The following RNF168 variants were observed in gnomAD, a reference collection of about 807,000 sequenced individuals.
RNF168 encodes E3 ubiquitin-protein ligase RNF168.
In RNF168, 34 loss-of-function variants were observed where a neutral mutation model predicts 34.9. The ratio of observed to expected loss-of-function variants is 0.97; its 90% CI spans 0.74 to 1.30. The LOEUF is 1.30. RNF168 is among the 50% of genes most tolerant of loss of function. The pLI is 0.00. For missense variants in RNF168, 725 were observed against 682.5 expected, an observed-to-expected ratio of 1.06 and a Z score of -0.69; for synonymous variants, 264 against 254.7, an observed-to-expected ratio of 1.04 and a Z score of -0.35.
chr3:196,483,720 C>A (rs768798784), intron 4 of RNF168, 50 bp downstream of exon 4: 1 of 1,521,386 alleles, frequency 6.6e-7, no homozygotes, highest in South Asian at 1.1e-5. Context: ...ACAGAAAACA[C>A]TGGCATACAG....
At chr3:196,490,689 A>G (rs1050663094) in intron 1 of RNF168, among the ~76,000 whole-genome samples, 3 of 152,210 alleles carry the variant, frequency 2.0e-5, no homozygotes, top group Admixed American at 1.3e-4. Context: ...GGGTCACAAA[A>G]AACATGCACA....
chr3:196,486,781 G>A (rs1288464687), intron 3 of RNF168, among the ~76,000 whole-genome samples: 2 of 152,234 alleles, frequency 1.3e-5, no homozygotes, highest in African/African-American at 4.8e-5. Flanking sequence ...ATATAAAAAA[G>A]TTGTTAAACA....
At chr3:196,474,357 G>T (rs1273780962) in intron 5 of RNF168, among the ~76,000 whole-genome samples, 1 of 148,950 alleles carries the variant, frequency 6.7e-6, no homozygotes, top group Non-Finnish European at 1.5e-5. Context: ...GGCTGGTCTC[G>T]AACTCCCAAC....
rs1731938524 is a variant in RNF168, at chr3:196,469,012, GACT to G, written c.*2804_*2806del. 1 of 152,072 alleles carries G rather than the reference GACT, an allele frequency of 6.6e-6. No homozygotes were observed. Among genetic ancestry groups the G allele is most frequent in the Non-Finnish European group, 1.5e-5 (1 of 68,014 alleles). The allele number at this position is 152,072 out of a possible 1,614,324, so 9.4% of individuals were successfully genotyped here. A position where few individuals can be genotyped will look rare whatever the true frequency, so the allele number is the denominator to read the frequency against. ...TCTTGAAACCAATTTTAGTCAGGAA[GACT>G]TCTTCACAGAGAATGAGCTGAATAT... On this transcript the variant is annotated 3_prime_UTR_variant, in exon 6 of 6. Coordinates refer to ENST00000318037, the MANE Select transcript of RNF168 (RefSeq NM_152617.4).
Position 196,478,590 on chromosome 3 carries a change from C to T in RNF168, c.681-3278G>A, listed in dbSNP as rs139829613. Among the ~76,000 whole-genome samples, 386 of 152,168 alleles carry T rather than the reference C, an allele frequency of 2.5e-3. 2 individuals carry two copies. Among genetic ancestry groups the T allele is most frequent in the African/African-American group, 8.6e-3 (359 of 41,514 alleles). On this transcript the variant is annotated intron_variant, in intron 4 of 5. Coordinates refer to ENST00000318037, the MANE Select transcript of RNF168 (RefSeq NM_152617.4). Reference sequence around the variant, plus strand: ...ACTCTGTTAATTTGTCTAAGGTTCTCCTTTTAACATATGTAACCAATTTTT... The same window carrying T: ...ACTCTGTTAATTTGTCTAAGGTTCTTCTTTTAACATATGTAACCAATTTTT...
intron 1 of RNF168, among the ~76,000 whole-genome samples, chr3:196,492,725 C>A (rs1732625765): frequency 6.6e-6 from 1 of 151,998 alleles, no homozygotes; most frequent in Non-Finnish European, 1.5e-5. Flanking sequence ...TTGCAGTGAG[C>A]CAAGATCGCA....
At chr3:196,502,815 A>G in intron 1 of RNF168, 58 bp downstream of exon 1, 1 of 1,429,524 alleles carries the variant, frequency 7.0e-7, no homozygotes, top group South Asian at 1.2e-5. Flanking sequence ...AAAAGTGATG[A>G]TTCACCTTTT....
At chr3:196,492,217 G>A (rs1182659463) in intron 1 of RNF168, among the ~76,000 whole-genome samples, 1 of 152,174 alleles carries the variant, frequency 6.6e-6, no homozygotes. Flanking sequence ...GTAGCTAAGA[G>A]GCTGGGCACA....
chr3:196,494,783 G>T (rs145033824), intron 1 of RNF168, among the ~76,000 whole-genome samples: 2 of 152,200 alleles, frequency 1.3e-5, no homozygotes, highest in Non-Finnish European at 2.9e-5. Flanking sequence ...AGCACTTTGC[G>T]AGGATGAGGC....
Position 196,472,490 on chromosome 3 carries a change from C to T in RNF168, c.1045G>A (p.Gly349Ser). The T allele has an allele frequency of 6.2e-7, 1 of 1,614,216 alleles. No homozygotes were observed. ...GGGGCGCACCCACTTTCTGTTCTGCCACAAGGCATAACTGCAGTTTCTTTC... is the reference window on the plus strand; with the variant it reads ...GGGGCGCACCCACTTTCTGTTCTGCTACAAGGCATAACTGCAGTTTCTTTC... The part of the protein sequence containing the change: ...YSKETAVMPC[G>S]RTESGCAPTS... Residue 349 changes from glycine to serine, a missense_variant, in exon 6 of 6, where the codon GGC becomes AGC. Transcript: ENST00000318037.
At chr3:196,483,039 C>T (rs998965360) in intron 4 of RNF168, among the ~76,000 whole-genome samples, 9 of 151,292 alleles carry the variant, frequency 5.9e-5, no homozygotes, top group Non-Finnish European at 8.8e-5. Context: ...TGCATTTTAG[C>T]GGTTTTCTCA....
intron 1 of RNF168, among the ~76,000 whole-genome samples, chr3:196,500,550 G>A (rs1477991296): frequency 6.6e-6 from 1 of 152,140 alleles, no homozygotes; most frequent in Non-Finnish European, 1.5e-5. Context: ...AGTTTGGGAG[G>A]ATTAAAAAGT....
At chr3:196,482,343 CATTT>C (rs1457871906) in intron 4 of RNF168, among the ~76,000 whole-genome samples, 12 of 152,162 alleles carry the variant, frequency 7.9e-5, no homozygotes, top group African/African-American at 2.2e-4. Context: ...TTTACCCATT[CATTT>C]GTTAATGGAC....
intron 4 of RNF168, among the ~76,000 whole-genome samples, chr3:196,477,573 T>C (rs987657291): frequency 1.3e-5 from 2 of 152,208 alleles, no homozygotes; most frequent in African/African-American, 4.8e-5. Context: ...TTTAGTTTCT[T>C]TAGGCTGAAG....
chr3:196,471,670 T>A lies in RNF168; in HGVS notation c.*149A>T. The A allele has an allele frequency of 1.4e-6, 1 of 693,920 alleles. No individual in the cohort carries two copies. The highest frequency in any genetic ancestry group is 2.6e-6 in the Non-Finnish European group (1 of 383,730). 43.0% of individuals were successfully genotyped at this position (693,920 alleles called of 1,614,324 possible). A position where few individuals can be genotyped will look rare whatever the true frequency, so the allele number is the denominator to read the frequency against. On this transcript the variant is annotated 3_prime_UTR_variant, in exon 6 of 6. Transcript: ENST00000318037. ...AGCTGTGCAGAAGCTCATGTGTCTA[T>A]GCAGTCCTTACAATCACACAGACCT...
intron 3 of RNF168, 84 bp from the exon 4 acceptor site, chr3:196,483,975 T>C (rs1422121855): frequency 2.9e-6 from 3 of 1,027,234 alleles, no homozygotes; most frequent in Admixed American, 1.8e-5. Flanking sequence ...AATTCAGAAA[T>C]CCATAGCATT....
rs564311877 is a variant in RNF168, at chr3:196,488,477, A to C, written c.378+130T>G. Reference sequence around the variant, plus strand: ...AGCCTGGGTGACAGAGTGAGACTCCATCTCAAAAAAAAAAAATTATCCATA... The same window carrying C: ...AGCCTGGGTGACAGAGTGAGACTCCCTCTCAAAAAAAAAAAATTATCCATA... On this transcript the variant is annotated intron_variant, in intron 2 of 5. Transcript: ENST00000318037. 224 of 524,074 alleles carry C rather than the reference A, an allele frequency of 4.3e-4. 5 individuals carry two copies. The highest frequency in any genetic ancestry group is 4.2e-3 in the South Asian group (218 of 52,114). 32.5% of individuals were successfully genotyped at this position (524,074 alleles called of 1,614,324 possible).
In RNF168 at chr3:196,470,457, ATCCTCATCT is replaced by A. The variant is rs1731971407; in HGVS notation, c.*1353_*1361del. 1 of 150,670 alleles carries A rather than the reference ATCCTCATCT, an allele frequency of 6.6e-6. No individual in the cohort carries two copies. The highest frequency in any genetic ancestry group is 2.5e-5 in the African/African-American group (1 of 40,078). The allele number at this position is 150,670 out of a possible 1,614,324, so 9.3% of individuals were successfully genotyped here. A position where few individuals can be genotyped will look rare whatever the true frequency, so the allele number is the denominator to read the frequency against. On this transcript the variant is annotated 3_prime_UTR_variant, in exon 6 of 6. Coordinates refer to ENST00000318037, the MANE Select transcript of RNF168 (RefSeq NM_152617.4). ...ACTGTCAGTCACCCCATCCAGCCTC[ATCCTCATCT>A]GGACCCGTTTCTGACCAACCACCCA... is the stretch of plus-strand genomic sequence containing the variant.
At chr3:196,495,900 A>G (rs538357136) in intron 1 of RNF168, among the ~76,000 whole-genome samples, 2 of 152,354 alleles carry the variant, frequency 1.3e-5, no homozygotes, top group East Asian at 3.8e-4. Context: ...TGAGAAATCC[A>G]AATGTAAAAC....
Sources: gnomAD v4.1 joint callset for allele counts (sites outside exome capture counted in the v4.1 genomes callset) on GRCh38, gnomAD v4.1.1 for gene constraint, MANE v1.5 for transcripts, NCBI Gene and HGNC (gene_info 2026-07-23, HGNC 2026-07-21) for gene names.